MGMT: variants seen among roughly 807,000 people sequenced by gnomAD.
MGMT encodes O-6-methylguanine-DNA methyltransferase, also known as methylated-DNA--protein-cysteine methyltransferase.
MGMT carries 14 observed loss-of-function variants against 15.9 expected under a neutral mutation model. That is an observed-to-expected ratio of 0.88 (90% CI 0.58 to 1.37). The LOEUF (loss-of-function observed/expected upper bound fraction) is 1.37. Among genes scored for constraint, MGMT ranks in the 40% most tolerant of loss-of-function variants. The pLI is 0.00. For synonymous variants in MGMT, 130 were observed against 118.2 expected (o/e 1.10, Z -0.65); for missense variants, 282 against 268.1 (o/e 1.05, Z -0.36).
chr10:129,587,472 CA>C (rs1846631146), intron 2 of MGMT, among the ~76,000 whole-genome samples: 1 of 148,578 alleles, frequency 6.7e-6, no homozygotes, highest in Non-Finnish European at 1.5e-5. Flanking sequence ...AAATTTGTGT[CA>C]TTTTTATATC....
chr10:129,516,159 T>G (rs781609451), intron 1 of MGMT, among the ~76,000 whole-genome samples: 14 of 152,216 alleles, frequency 9.2e-5, no homozygotes, highest in Non-Finnish European at 2.1e-4. Flanking sequence ...CTCTTGCTAT[T>G]TTTATTGCTC....
intron 2 of MGMT, among the ~76,000 whole-genome samples, chr10:129,622,086 TC>T (rs1388975698): frequency 1.3e-5 from 2 of 152,244 alleles, no homozygotes; most frequent in African/African-American, 4.8e-5. Flanking sequence ...TCCTGTTTCT[TC>T]CTCTGGAGTG....
At chr10:129,601,342 A>G (rs1846819273) in intron 2 of MGMT, among the ~76,000 whole-genome samples, 3 of 152,178 alleles carry the variant, frequency 2.0e-5, no homozygotes, top group Admixed American at 2.0e-4. Flanking sequence ...GTTGAACAGC[A>G]ACTGGGTGGG....
intron 1 of MGMT, among the ~76,000 whole-genome samples, chr10:129,523,707 C>A (rs1298417154): frequency 5.9e-5 from 1 of 16,856 alleles, no homozygotes; most frequent in Non-Finnish European, 1.1e-4. Flanking sequence ...TGGGGAGCAC[C>A]ATTTGATTTT....
rs559878694 is a variant in MGMT, at chr10:129,687,225, G to A, written c.126-20670G>A. ...TTTTCTTTTTGAGATATATATAATA[G>A]GGATGAACTTTTATTTCATTTTTCT... On this transcript the variant is annotated intron_variant, in intron 2 of 4. Transcript: ENST00000651593. 6.6e-5 allele frequency among the ~76,000 whole-genome samples: 7 copies of A among 105,774 alleles called. No homozygotes were observed. The South Asian group carries it at 2.2e-3, about 33-fold the overall frequency. 69.4% of individuals were successfully genotyped at this position (105,774 alleles called of 152,430 possible). A position where few individuals can be genotyped will look rare whatever the true frequency, so the allele number is the denominator to read the frequency against.
chr10:129,551,306 T>C (rs1381358346), intron 2 of MGMT, among the ~76,000 whole-genome samples: 3 of 152,204 alleles, frequency 2.0e-5, no homozygotes, highest in African/African-American at 7.2e-5. Flanking sequence ...TTTTGTACCT[T>C]GTCACCATCT....
At position 129,556,392 on chromosome 10, in the gene MGMT, AG is replaced by A. The variant is rs1014324374; in HGVS notation, c.125+20018del. ...TGGAGGTTGTGGCACAGACACACGGAGGGATGGCCACGTGAGGACCCTGGGA... is the reference window on the plus strand; with the variant it reads ...TGGAGGTTGTGGCACAGACACACGGAGGATGGCCACGTGAGGACCCTGGGA... On this transcript the variant is annotated intron_variant, in intron 2 of 4. Coordinates refer to ENST00000651593, the MANE Select transcript of MGMT (RefSeq NM_002412.5). This position sits in a 1 kb window ranked among gnomAD's most constrained non-coding sequence, Gnocchi z 4.3. Among the ~76,000 whole-genome samples the A allele has an allele frequency of 6.6e-6, 1 of 152,146 alleles. No homozygotes were observed. The highest frequency in any genetic ancestry group is 1.5e-5 in the Non-Finnish European group (1 of 68,032).
At chr10:129,581,427 T>C (rs1215624794) in intron 2 of MGMT, among the ~76,000 whole-genome samples, 2 of 152,166 alleles carry the variant, frequency 1.3e-5, no homozygotes, top group Non-Finnish European at 2.9e-5. Context: ...CCCCACATCA[T>C]TGGCATGGTC....
At chr10:129,520,966 ACGGTGAGGGTGCAGAG>A (rs1845802390) in intron 1 of MGMT, among the ~76,000 whole-genome samples, 3 of 88,930 alleles carry the variant, frequency 3.4e-5, no homozygotes, top group African/African-American at 6.8e-5. Context: ...CAGAGCCCCT[ACGGTGAGGGTGCAGAG>A]CCCCTACGGT....
intron 2 of MGMT, among the ~76,000 whole-genome samples, chr10:129,652,614 G>A (rs578007607): frequency 9.2e-5 from 14 of 152,340 alleles, no homozygotes; most frequent in Admixed American, 3.9e-4. Context: ...CACCTGACAC[G>A]GTGCTGTCCC....
At chr10:129,737,504 C>T (rs1184357562) in intron 3 of MGMT, among the ~76,000 whole-genome samples, 4 of 152,076 alleles carry the variant, frequency 2.6e-5, no homozygotes, top group African/African-American at 9.7e-5. Flanking sequence ...TTTGAATGTC[C>T]TCCCGTAGCT....
At chr10:129,687,391 G>A (rs74503559) in intron 2 of MGMT, among the ~76,000 whole-genome samples, 8,351 of 152,208 alleles carry the variant, frequency 0.055, 759 homozygotes, top group African/African-American at 0.19. Flanking sequence ...GAGCGCCGAC[G>A]CCAAGGGTAT....
chr10:129,751,795 T>G (rs1345056306), intron 3 of MGMT, among the ~76,000 whole-genome samples: 1 of 152,042 alleles, frequency 6.6e-6, no homozygotes, highest in African/African-American at 2.4e-5. Flanking sequence ...ATATGTTTAC[T>G]GTTCAAATGT....
chr10:129,653,697 A>G (rs1847490105), intron 2 of MGMT, among the ~76,000 whole-genome samples: 2 of 152,220 alleles, frequency 1.3e-5, no homozygotes, highest in South Asian at 4.1e-4. Flanking sequence ...TGCTTCTGCT[A>G]AACAAGAGGC....
chr10:129,720,088 G>A (rs577228616), intron 3 of MGMT, among the ~76,000 whole-genome samples: 60 of 152,276 alleles, frequency 3.9e-4, no homozygotes, highest in African/African-American at 1.4e-3. Context: ...CTATGTGTAC[G>A]AGTTACAGGA....
At chr10:129,743,645 T>G (rs61876572) in intron 3 of MGMT, among the ~76,000 whole-genome samples, 28,657 of 152,230 alleles carry the variant, frequency 0.19, 3,505 homozygotes, top group African/African-American at 0.35. Flanking sequence ...TCCTGGACCT[T>G]TGGGGAGACT....
intron 1 of MGMT, among the ~76,000 whole-genome samples, chr10:129,504,027 A>G (rs1489999837): frequency 1.3e-5 from 2 of 152,238 alleles, no homozygotes; most frequent in African/African-American, 4.8e-5. Flanking sequence ...TCTGATACCC[A>G]TAGTTCGTAA....
intron 3 of MGMT, among the ~76,000 whole-genome samples, chr10:129,713,614 A>G (rs1291361605): frequency 6.6e-6 from 1 of 152,202 alleles, no homozygotes; most frequent in Non-Finnish European, 1.5e-5. Flanking sequence ...TCTGTGGTTC[A>G]GAAACTTGAC....
chr10:129,646,287 G>C (rs1847387599), intron 2 of MGMT, among the ~76,000 whole-genome samples: 2 of 152,068 alleles, frequency 1.3e-5, no homozygotes, highest in African/African-American at 4.8e-5. Context: ...ATTTCTCCTG[G>C]CTCAGAGCAG....
Sources: gnomAD v4.1 joint callset for allele counts (sites outside exome capture counted in the v4.1 genomes callset) on GRCh38, gnomAD v4.1.1 for gene constraint, Gnocchi (gnomAD v3.1) non-coding constraint, MANE v1.5 for transcripts, NCBI Gene and HGNC (gene_info 2026-07-23, HGNC 2026-07-21) for gene names.